DIMT1: variants seen among roughly 807,000 people sequenced by gnomAD.
The protein encoded by DIMT1 is dimethyladenosine transferase.
In DIMT1, 36 loss-of-function variants were observed where a neutral mutation model predicts 43.2. The ratio of observed to expected loss-of-function variants is 0.83; its 90% CI spans 0.64 to 1.10. The LOEUF (loss-of-function observed/expected upper bound fraction) is 1.10. Ranked by LOEUF, DIMT1 falls within the 50% of genes least tolerant of loss-of-function variation. DIMT1 has a pLI of 0.00. For synonymous variants in DIMT1, 126 were observed against 130.3 expected (o/e 0.97, Z 0.22); for missense variants, 341 against 385.3 (o/e 0.88, Z 0.96).
chr5:62,392,235 C>T lies in DIMT1; in HGVS notation c.729-1G>A. 2 of 1,612,720 alleles carry T rather than the reference C, an allele frequency of 1.2e-6. No individual in the cohort carries two copies. The highest frequency in any genetic ancestry group is 1.7e-6 in the Non-Finnish European group (2 of 1,179,296). On this transcript the variant is annotated splice_acceptor_variant, in intron 9 of 11. Coordinates refer to ENST00000199320, the MANE Select transcript of DIMT1 (RefSeq NM_014473.4). LOFTEE classifies it high-confidence loss of function. ...CAAGAGTTGTTGCACTGCACTTGAT[C>T]TATAGCATAAAGAAGTGATGCCACT...
chr5:62,403,773 C>G lies in DIMT1; in HGVS notation c.-1G>C. 6.2e-7 allele frequency: 1 copy of G among 1,610,258 alleles called. No homozygotes were observed. The highest frequency in any genetic ancestry group is 8.5e-7 in the Non-Finnish European group (1 of 1,178,790). On this transcript the variant is annotated 5_prime_UTR_variant, in exon 1 of 12. Coordinates refer to ENST00000199320, the MANE Select transcript of DIMT1 (RefSeq NM_014473.4). ...TGGCCCCCGACTTGACCTTCGGCATCTCGGCAGAAAGCGGGCCCACAGGCC... is the reference window on the plus strand; with the variant it reads ...TGGCCCCCGACTTGACCTTCGGCATGTCGGCAGAAAGCGGGCCCACAGGCC...
intron 6 of DIMT1, 123 bp from the exon 7 acceptor site, chr5:62,394,730 G>C: frequency 1.5e-6 from 2 of 1,376,260 alleles, no homozygotes; most frequent in Non-Finnish European, 9.9e-7. Flanking sequence ...TAAGGTAGGA[G>C]AACACATTCA....
At position 62,403,892 on chromosome 5, in the gene DIMT1, GC is replaced by G; in HGVS notation, c.-121del. On this transcript the variant is annotated 5_prime_UTR_variant, in exon 1 of 12. Coordinates refer to ENST00000199320, the MANE Select transcript of DIMT1 (RefSeq NM_014473.4). Reference sequence around the variant, plus strand: ...CCGCCCGCACCACTCTGGCCCAAGCGCCGGAGGGGCAAGGGTCCGCCCCCTC... The same window carrying G: ...CCGCCCGCACCACTCTGGCCCAAGCGCGGAGGGGCAAGGGTCCGCCCCCTC... 2 of 1,078,570 alleles carry G rather than the reference GC, an allele frequency of 1.9e-6. No individual in the cohort carries two copies. The highest frequency in any genetic ancestry group is 2.6e-6 in the Non-Finnish European group (2 of 756,618). The allele number at this position is 1,078,570 out of a possible 1,614,324, so 66.8% of individuals were successfully genotyped here.
rs1742083474 is a variant in DIMT1 at position 62,387,387 on chromosome 5, A to G, written c.*1623T>C. 1 of 152,188 alleles carries G rather than the reference A, an allele frequency of 6.6e-6. No homozygotes were observed. Among genetic ancestry groups the G allele is most frequent in the African/African-American group, 2.4e-5 (1 of 41,434 alleles). 9.4% of individuals were successfully genotyped at this position (152,188 alleles called of 1,614,324 possible). A position where few individuals can be genotyped will look rare whatever the true frequency, so the allele number is the denominator to read the frequency against. On this transcript the variant is annotated 3_prime_UTR_variant, in exon 12 of 12. Coordinates refer to ENST00000199320, the MANE Select transcript of DIMT1 (RefSeq NM_014473.4). ...TTTCAAAGGGCAATAAAGACATGTG[A>G]ATTTGCTCATTTTAAAGCACAACAG...
intron 6 of DIMT1, among the ~76,000 whole-genome samples, chr5:62,394,840 C>T (rs2112042191): frequency 6.6e-6 from 1 of 152,186 alleles, no homozygotes; most frequent in Non-Finnish European, 1.5e-5. Context: ...CCTTTAATGA[C>T]TGGATGAGAT....
At chr5:62,395,436 T>A (rs552012709) in intron 6 of DIMT1, among the ~76,000 whole-genome samples, 364 of 152,276 alleles carry the variant, frequency 2.4e-3, no homozygotes, top group Non-Finnish European at 3.5e-3. Context: ...TGACAATGAG[T>A]CACACTAAAA....
rs1335192785 is a variant in DIMT1, at chr5:62,389,051, A to G, written c.901T>C (p.Leu301=). The G allele has an allele frequency of 6.2e-7, 1 of 1,601,400 alleles. No homozygotes were observed. The highest frequency in any genetic ancestry group is 1.7e-5 in the Admixed American group (1 of 58,480). ...CCTTCTGCGTTGAATCCATGTAGCA[A>G]TCTGAAAAAAGAAATCAAAATGGAA... is the stretch of plus-strand genomic sequence containing the variant. ...RSMDIDDFIR[L]LHGFNAEGIH... is the part of the protein sequence containing the mutation. Residue 301 remains leucine, a splice_region_variant and synonymous_variant, in exon 12 of 12, where the codon TTG becomes CTG. Coordinates refer to ENST00000199320, the MANE Select transcript of DIMT1 (RefSeq NM_014473.4).
Position 62,402,127 on chromosome 5 carries a change from A to T in DIMT1, c.154-5T>A. The T allele has an allele frequency of 6.2e-7, 1 of 1,613,744 alleles. No homozygotes were observed. Among genetic ancestry groups the T allele is most frequent in the Non-Finnish European group, 8.5e-7 (1 of 1,179,786 alleles). ...ATCAGTTGGTCTTAAGGCAGCCTAA[A>T]AGCAAGCACAAACACTTTAGCTCTT... On this transcript the variant is annotated splice_polypyrimidine_tract_variant and splice_region_variant and intron_variant, in intron 2 of 11. Transcript: ENST00000199320.
chr5:62,394,457 AAGAG>A (rs759903414), intron 7 of DIMT1, 23 bp downstream of exon 7: 1 of 1,611,618 alleles, frequency 6.2e-7, no homozygotes, highest in South Asian at 1.1e-5. Context: ...TCTCAGAAAA[AAGAG>A]AAAGAAAACA....
intron 8 of DIMT1, among the ~76,000 whole-genome samples, chr5:62,393,255 GA>G (rs979431170): frequency 6.7e-6 from 1 of 150,034 alleles, no homozygotes; most frequent in African/African-American, 2.5e-5. Context: ...TTTTTAATTT[GA>G]AAAAATAAAG....
chr5:62,389,599 T>C (rs35016), intron 11 of DIMT1, among the ~76,000 whole-genome samples: 37,375 of 151,872 alleles, frequency 0.25, 4,681 homozygotes, highest in Middle Eastern at 0.3. Context: ...CGTAATGAAT[T>C]TGACTAAAAT....
intron 11 of DIMT1, among the ~76,000 whole-genome samples, chr5:62,389,517 G>A (rs1301986711): frequency 7.5e-6 from 1 of 133,724 alleles, no homozygotes; most frequent in Non-Finnish European, 1.6e-5. Flanking sequence ...GTTATTGTCT[G>A]ACTAAATTTA....
At chr5:62,401,399 G>A (rs920731806) in intron 3 of DIMT1, among the ~76,000 whole-genome samples, 1 of 148,404 alleles carries the variant, frequency 6.7e-6, no homozygotes, top group Non-Finnish European at 1.5e-5. Flanking sequence ...GGAGGCTGAG[G>A]CAGGAGAATC....
intron 6 of DIMT1, among the ~76,000 whole-genome samples, chr5:62,397,188 C>CAG (rs1742527199): frequency 6.6e-6 from 1 of 152,058 alleles, no homozygotes; most frequent in South Asian, 2.1e-4. Context: ...AAGTGATCTG[C>CAG]CCGCCTCGGC....
intron 7 of DIMT1, 95 bp from the exon 8 acceptor site, chr5:62,394,142 C>G: frequency 8.7e-7 from 1 of 1,148,392 alleles, no homozygotes; most frequent in Non-Finnish European, 1.3e-6. Flanking sequence ...ACTGGATGCT[C>G]AAGGATGAAT....
intron 3 of DIMT1, among the ~76,000 whole-genome samples, chr5:62,400,947 C>A (rs1481378313): frequency 6.6e-6 from 1 of 151,604 alleles, no homozygotes; most frequent in African/African-American, 2.4e-5. Flanking sequence ...GATGGGGTTT[C>A]ACCATGTTGC....
intron 3 of DIMT1, among the ~76,000 whole-genome samples, chr5:62,401,294 A>G (rs1385923398): frequency 1.3e-5 from 2 of 151,864 alleles, no homozygotes; most frequent in African/African-American, 4.8e-5. Context: ...TCAGGAGTTT[A>G]AGACCAGTGT....
rs954807416 is a variant in DIMT1, at chr5:62,403,747, A to T, written c.26T>A (p.Ile9Asn). 19 of 1,610,064 alleles carry T rather than the reference A, an allele frequency of 1.2e-5. No individual in the cohort carries two copies. The highest frequency in any genetic ancestry group is 1.4e-5 in the Non-Finnish European group (17 of 1,178,820). ...CTCCTGCCGCCCGCGGCGGCGGCCG[A>T]TGGCCCCCGACTTGACCTTCGGCAT... Reference protein sequence around the residue: MPKVKSGAIGRRRGRQEQR... With the variant: MPKVKSGANGRRRGRQEQR... The change falls in exon 1 of 12, where the codon ATC becomes AAC. Residue 9 changes from isoleucine to asparagine, a missense_variant. Coordinates refer to ENST00000199320, the MANE Select transcript of DIMT1 (RefSeq NM_014473.4).
rs1742587456 is a variant in DIMT1 at position 62,398,672 on chromosome 5, T to C, written c.370A>G (p.Thr124Ala). 6.2e-7 allele frequency: 1 copy of C among 1,614,226 alleles called. No homozygotes were observed. The highest frequency in any genetic ancestry group is 8.5e-7 in the Non-Finnish European group (1 of 1,180,038). Residue 124 changes from threonine (T) to alanine (A), a missense_variant, in exon 5 of 12, where the codon ACT becomes GCT. By Grantham distance (58) the Thr-to-Ala change is moderately conservative. Transcript: ENST00000199320. The stretch of plus-strand genomic sequence containing the variant: ...TGATAAGGCAAATTTGCCACACAAG[T>C]ATCAAAGAATGGCAAATCTGTTTTC... ...VLKTDLPFFD[T>A]CVANLPYQIS...
Sources: gnomAD v4.1 joint callset for allele counts (sites outside exome capture counted in the v4.1 genomes callset) on GRCh38, gnomAD v4.1.1 for gene constraint, MANE v1.5 for transcripts, NCBI Gene and HGNC (gene_info 2026-07-23, HGNC 2026-07-21) for gene names.